INPP4B: variants seen among roughly 807,000 people sequenced by gnomAD.
INPP4B encodes inositol polyphosphate-4-phosphatase type II B.
In INPP4B, 55 loss-of-function variants were observed where a neutral mutation model predicts 122.5. The ratio of observed to expected loss-of-function variants is 0.45; its 90% CI spans 0.36 to 0.56. INPP4B has a LOEUF of 0.56. Ranked by LOEUF, INPP4B falls within the 20% of genes least tolerant of loss-of-function variation. INPP4B has a pLI of 0.00. For missense variants in INPP4B, 1,000 were observed against 1,097.7 expected (o/e 0.91, Z 1.26); for synonymous variants, 403 against 388.7 (o/e 1.04, Z -0.43).
At chr4:142,109,905 T>C (rs142500445) in intron 22 of INPP4B, among the ~76,000 whole-genome samples, 1 of 152,220 alleles carries the variant, frequency 6.6e-6, no homozygotes, top group African/African-American at 2.4e-5. Context: ...TGGTATAAAC[T>C]CAGTGTTCAG....
intron 2 of INPP4B, among the ~76,000 whole-genome samples, chr4:142,627,998 G>C (rs1267980826): frequency 6.6e-6 from 1 of 151,974 alleles, no homozygotes; most frequent in Non-Finnish European, 1.5e-5. Context: ...TATGTGTCGA[G>C]GAATTTATCC....
chr4:142,602,217 A>G (rs977707603), intron 2 of INPP4B, among the ~76,000 whole-genome samples: 1 of 152,012 alleles, frequency 6.6e-6, no homozygotes, highest in Non-Finnish European at 1.5e-5. Context: ...ATCATGAATG[A>G]ACTCTCATTC....
chr4:142,312,377 G>A (rs1765844401), intron 8 of INPP4B, among the ~76,000 whole-genome samples: 1 of 152,100 alleles, frequency 6.6e-6, no homozygotes, highest in African/African-American at 2.4e-5. Context: ...CATCCCCCAG[G>A]AAAATATCTT....
intron 11 of INPP4B, among the ~76,000 whole-genome samples, chr4:142,238,975 C>A (rs1857908218): frequency 6.6e-6 from 1 of 151,894 alleles, no homozygotes; most frequent in South Asian, 2.1e-4. Context: ...TACAATAAGG[C>A]TAATTAAAAA....
chr4:142,260,474 TA>T lies in INPP4B; in HGVS notation c.688+17del. 2.0e-6 allele frequency: 3 copies of T among 1,483,034 alleles called. No homozygotes were observed. Among genetic ancestry groups the T allele is most frequent in the Non-Finnish European group, 2.8e-6 (3 of 1,066,410 alleles). 91.9% of individuals were successfully genotyped at this position (1,483,034 alleles called of 1,614,324 possible). On this transcript the variant is annotated intron_variant, in intron 11 of 25. Coordinates refer to ENST00000262992, the MANE Select transcript of INPP4B (RefSeq NM_001101669.3). ...TCATTTTTGCATGAAACTAAGTATT[TA>T]AAACTGAGTTACATACCTGAATTCA...
intron 3 of INPP4B, among the ~76,000 whole-genome samples, chr4:142,449,452 C>T (rs1813660333): frequency 6.6e-6 from 1 of 152,064 alleles, no homozygotes; most frequent in South Asian, 2.1e-4. Context: ...GCCTGTAATC[C>T]CAGCACTTTG....
intron 5 of INPP4B, among the ~76,000 whole-genome samples, chr4:142,413,460 A>C (rs757837255): frequency 6.6e-6 from 1 of 152,216 alleles, no homozygotes; most frequent in Non-Finnish European, 1.5e-5. Context: ...TCTCTTAGGC[A>C]TATTGAAATA....
At chr4:142,698,363 C>T (rs1481361444) in intron 2 of INPP4B, among the ~76,000 whole-genome samples, 1 of 151,282 alleles carries the variant, frequency 6.6e-6, no homozygotes, top group African/African-American at 2.4e-5. Context: ...TTTCTCCTTC[C>T]AGTGTTATTC....
chr4:142,842,729 T>C (rs1192918197), intron 1 of INPP4B, among the ~76,000 whole-genome samples: 3 of 131,840 alleles, frequency 2.3e-5, no homozygotes, highest in Non-Finnish European at 4.7e-5. Context: ...TAATATATTA[T>C]AATATTAATA....
intron 7 of INPP4B, among the ~76,000 whole-genome samples, chr4:142,391,595 C>A (rs1311165706): frequency 6.6e-6 from 1 of 151,902 alleles, no homozygotes; most frequent in Admixed American, 6.6e-5. Flanking sequence ...ACAAAACAAA[C>A]AAAAACAAAC....
chr4:142,568,166 C>G (rs13112605), intron 2 of INPP4B, among the ~76,000 whole-genome samples: 5,152 of 145,150 alleles, frequency 0.035, 112 homozygotes, highest in South Asian at 0.052. Context: ...TTTTTTTTTT[C>G]CACTTGCTGC....
At chr4:142,277,573 G>A (rs1366824001) in intron 9 of INPP4B, among the ~76,000 whole-genome samples, 1 of 151,578 alleles carries the variant, frequency 6.6e-6, no homozygotes, top group East Asian at 1.9e-4. Flanking sequence ...AAAGATACTT[G>A]CACGTGCATG....
rs187501383 is a variant in INPP4B at position 142,591,555 on chromosome 4, A to G, written c.-190-128829T>C. On this transcript the variant is annotated intron_variant, in intron 2 of 25. Coordinates refer to ENST00000262992, the MANE Select transcript of INPP4B (RefSeq NM_001101669.3). ...AGAAACTCAGCCCTCAAGGAGGTGG[A>G]GCAGAACTCCCCACTCCTTAAATGT... 9.9e-5 allele frequency among the ~76,000 whole-genome samples: 15 copies of G among 152,280 alleles called. No individual in the cohort carries two copies. The East Asian group carries it at 2.5e-3, about 25-fold the overall frequency.
rs186569647 is a variant in INPP4B, at chr4:142,073,931, A to G, written c.2642+8100T>C. On this transcript the variant is annotated intron_variant, in intron 25 of 25. Coordinates refer to ENST00000262992, the MANE Select transcript of INPP4B (RefSeq NM_001101669.3). ...TGCAAAGGCATCAATCATCTCTCTA[A>G]TCAACTGTAGGTTTTTGTTTCTCAG... 5.3e-5 allele frequency among the ~76,000 whole-genome samples: 8 copies of G among 151,976 alleles called. No individual in the cohort carries two copies. The East Asian group carries it at 1.6e-3, about 29-fold the overall frequency.
chr4:142,769,752 TA>T (rs1772746262), intron 1 of INPP4B, among the ~76,000 whole-genome samples: 1 of 151,498 alleles, frequency 6.6e-6, no homozygotes, highest in Non-Finnish European at 1.5e-5. Context: ...CCATCTCTAC[TA>T]AAATACAAAA....
At chr4:142,603,864 T>A (rs1740620409) in intron 2 of INPP4B, among the ~76,000 whole-genome samples, 1 of 151,636 alleles carries the variant, frequency 6.6e-6, no homozygotes, top group Non-Finnish European at 1.5e-5. Flanking sequence ...TAGCTCATTT[T>A]ATAAGAACAG....
intron 25 of INPP4B, among the ~76,000 whole-genome samples, chr4:142,031,874 G>C (rs1444939911): frequency 6.6e-6 from 1 of 152,104 alleles, no homozygotes; most frequent in Non-Finnish European, 1.5e-5. Flanking sequence ...GTAGGCACTG[G>C]GAATACAAGG....
intron 2 of INPP4B, among the ~76,000 whole-genome samples, chr4:142,661,561 CTTTTA>C (rs1755172309): frequency 6.6e-6 from 1 of 152,138 alleles, no homozygotes; most frequent in African/African-American, 2.4e-5. Flanking sequence ...AATATTGTAT[CTTTTA>C]TAATAGTTAA....
At chr4:142,489,388 T>A (rs1304688222) in intron 2 of INPP4B, among the ~76,000 whole-genome samples, 1 of 151,862 alleles carries the variant, frequency 6.6e-6, no homozygotes, top group Non-Finnish European at 1.5e-5. Context: ...ATAGATGGTG[T>A]TTTTTGTTTG....
Sources: allele counts gnomAD v4.1 joint callset (sites outside exome capture counted in the v4.1 genomes callset), GRCh38; gene constraint gnomAD v4.1.1; transcripts MANE v1.5; gene names NCBI Gene and HGNC (gene_info 2026-07-23, HGNC 2026-07-21).